The following LIMS2 variants were observed in gnomAD, a reference collection of about 807,000 sequenced individuals.
LIMS2 encodes the protein LIM and senescent cell antigen-like-containing domain protein 2.
In LIMS2, 30 loss-of-function variants were observed where a neutral mutation model predicts 45.3. The ratio of observed to expected loss-of-function variants is 0.66; its 90% CI spans 0.50 to 0.90. The LOEUF (loss-of-function observed/expected upper bound fraction) is 0.90, where lower values mean the gene tolerates loss of function less well. Ranked by LOEUF, LIMS2 falls within the 40% of genes least tolerant of loss-of-function variation. The pLI is 0.00. For synonymous variants in LIMS2, 173 were observed against 188.0 expected (o/e 0.92, Z 0.65); for missense variants, 485 against 468.7 (o/e 1.03, Z -0.32).
chr2:127,677,550 G>GCCA (rs1685530386), upstream of LIMS2, among the ~76,000 whole-genome samples: 1 of 152,160 alleles, frequency 6.6e-6, no homozygotes, highest in Admixed American at 6.5e-5. The surrounding 1 kb of genome is among the most constrained non-coding windows in gnomAD (Gnocchi z 5.0). Flanking sequence ...CATGAGCTTG[G>GCCA]GGTACGCAAG....
At chr2:127,657,903 G>A (rs1036014073) in intron 1 of LIMS2, among the ~76,000 whole-genome samples, 4 of 152,146 alleles carry the variant, frequency 2.6e-5, no homozygotes, top group African/African-American at 9.7e-5. Context: ...TATTATTATG[G>A]CCTCTTCCAG....
At chr2:127,652,043 C>G (rs903861702) in intron 4 of LIMS2, 2 of 439,862 alleles carry the variant, frequency 4.5e-6, no homozygotes, top group Middle Eastern at 6.2e-4. Flanking sequence ...AACCCCTGAA[C>G]AATGGAGGCC....
chr2:127,639,691 G>A (rs913290984), intron 9 of LIMS2, among the ~76,000 whole-genome samples: 15 of 152,102 alleles, frequency 9.9e-5, no homozygotes, highest in Admixed American at 2.0e-4. Context: ...AAACCTGGAC[G>A]CCATCTCTCC....
At chr2:127,674,869 C>A in intron 1 of LIMS2, 145 bp downstream of exon 1, 1 of 1,210,838 alleles carries the variant, frequency 8.3e-7, no homozygotes, top group Non-Finnish European at 1.0e-6. Flanking sequence ...ACGGGCGCTG[C>A]CGCCCCGGCA....
chr2:127,650,197 G>A (rs1021983317), intron 4 of LIMS2: 22 of 836,688 alleles, frequency 2.6e-5, no homozygotes, highest in African/African-American at 3.4e-5. Flanking sequence ...GTGACACCCC[G>A]GCCACTGCAC....
intron 1 of LIMS2, among the ~76,000 whole-genome samples, chr2:127,658,739 A>G (rs939630362): frequency 3.3e-5 from 5 of 152,224 alleles, no homozygotes. Context: ...TCAAGTGTCA[A>G]CTCCAGTGGA....
rs1416338709 is a variant in LIMS2 at position 127,664,512 on chromosome 2, G to A, written c.12-6950C>T. On this transcript the variant is annotated intron_variant, in intron 1 of 9. Coordinates refer to ENST00000355119, the MANE Select transcript of LIMS2 (RefSeq NM_001161403.3). This position sits in a 1 kb window ranked among gnomAD's most constrained non-coding sequence, Gnocchi z 5.5. The stretch of plus-strand genomic sequence containing the variant: ...ACCAAGACGGGACGGGCGTGTGGGC[G>A]CCTCCCCCGCGCTGGTCGCGAGCTC... 51 of 1,153,660 alleles carry A rather than the reference G, an allele frequency of 4.4e-5. No individual in the cohort carries two copies. Among genetic ancestry groups the A allele is most frequent in the Non-Finnish European group, 4.9e-5 (46 of 938,330 alleles). The allele number at this position is 1,153,660 out of a possible 1,614,324, so 71.5% of individuals were successfully genotyped here. A position where few individuals can be genotyped will look rare whatever the true frequency, so the allele number is the denominator to read the frequency against.
In LIMS2 at chr2:127,667,161, C is replaced by T. The variant is rs1293549226; in HGVS notation, c.11+7853G>A. On this transcript the variant is annotated intron_variant, in intron 1 of 9. Coordinates refer to ENST00000355119, the MANE Select transcript of LIMS2 (RefSeq NM_001161403.3). The surrounding 1 kb of genome is among the most constrained non-coding windows in gnomAD (Gnocchi z 4.1). ...CATACAAAACACCAGTGTGGTGGCA[C>T]ATGCCTATAATCCCAGCTACTCAGG... 6.6e-6 allele frequency among the ~76,000 whole-genome samples: 1 copy of T among 152,194 alleles called. No individual in the cohort carries two copies. The highest frequency in any genetic ancestry group is 1.5e-5 in the Non-Finnish European group (1 of 68,038).
chr2:127,664,153 G>T lies in LIMS2; in HGVS notation c.12-6591C>A, dbSNP rs924508691. On this transcript the variant is annotated intron_variant, in intron 1 of 9. Transcript: ENST00000355119. The surrounding 1 kb of genome is among the most constrained non-coding windows in gnomAD (Gnocchi z 5.5). ...AACCCTGTTAGATAAAGTCGCACGC[G>T]CCCACCCTGTCGCCAACCCAGGGCC... 7.9e-5 allele frequency among the ~76,000 whole-genome samples: 12 copies of T among 151,532 alleles called. No homozygotes were observed. The highest frequency in any genetic ancestry group is 1.5e-4 in the Non-Finnish European group (10 of 67,882).
chr2:127,668,693 A>AAAAC (rs1685139297), intron 1 of LIMS2, among the ~76,000 whole-genome samples: 2 of 134,452 alleles, frequency 1.5e-5, no homozygotes, highest in African/African-American at 3.1e-5. Context: ...AAAAAAAAAA[A>AAAAC]AAAAAAAAAA....
At chr2:127,649,153 G>A (rs1006019141) in intron 4 of LIMS2, among the ~76,000 whole-genome samples, 26 of 88,632 alleles carry the variant, frequency 2.9e-4, no homozygotes, top group African/African-American at 1.0e-3. Flanking sequence ...CGAAGTGAGA[G>A]AGAGAGGAAG....
In LIMS2 at chr2:127,653,624, G is replaced by T. The variant is rs1684021008; in HGVS notation, c.359+800C>A. Among the ~76,000 whole-genome samples the T allele has an allele frequency of 6.6e-6, 1 of 152,024 alleles. No individual in the cohort carries two copies. The highest frequency in any genetic ancestry group is 2.4e-5 in the African/African-American group (1 of 41,424). On this transcript the variant is annotated intron_variant, in intron 4 of 9. Coordinates refer to ENST00000355119, the MANE Select transcript of LIMS2 (RefSeq NM_001161403.3). The surrounding 1 kb of genome is among the most constrained non-coding windows in gnomAD (Gnocchi z 5.3). Reference sequence around the variant, plus strand: ...GGAGTGAGCAGGTGCAGCTGTGGGGGCGGGCAGAACCACAGGAACTCAGGG... The same window carrying T: ...GGAGTGAGCAGGTGCAGCTGTGGGGTCGGGCAGAACCACAGGAACTCAGGG...
chr2:127,648,104 C>A lies in LIMS2; in HGVS notation c.360-5032G>T, dbSNP rs143371703. The A allele has an allele frequency of 1.5e-5, 15 of 985,600 alleles. No individual in the cohort carries two copies. The East Asian group carries it at 1.5e-3, about 97-fold the overall frequency. The allele number at this position is 985,600 out of a possible 1,614,324, so 61.1% of individuals were successfully genotyped here. ...TTAGCAGTCCTAGGGAAAGTGCCAG[C>A]CGAGACCAGCCAGACCAAGTCAGAG... is the stretch of plus-strand genomic sequence containing the variant. On this transcript the variant is annotated intron_variant, in intron 4 of 9. Transcript: ENST00000355119.
chr2:127,678,583 A>C (rs1447233000), upstream of LIMS2, among the ~76,000 whole-genome samples: 1 of 152,224 alleles, frequency 6.6e-6, no homozygotes, highest in Non-Finnish European at 1.5e-5. The surrounding 1 kb of genome is among the most constrained non-coding windows in gnomAD (Gnocchi z 5.3). Flanking sequence ...CATCAAACAC[A>C]GGATCTATTT....
chr2:127,665,515 TGTA>T (rs1684953489), intron 1 of LIMS2, among the ~76,000 whole-genome samples: 1 of 152,206 alleles, frequency 6.6e-6, no homozygotes. Context: ...AATTTGTAAA[TGTA>T]GTCCAATTCC....
upstream of LIMS2, among the ~76,000 whole-genome samples, chr2:127,679,194 C>A (rs909665896): frequency 1.3e-5 from 2 of 152,094 alleles, no homozygotes. This position sits in a 1 kb window ranked among gnomAD's most constrained non-coding sequence, Gnocchi z 5.3. Context: ...GCAGGCAGGG[C>A]CCCTGCAATG....
rs138668344 is a variant in LIMS2, at chr2:127,657,506, G to A, written c.68C>T (p.Ser23Phe). 5.6e-5 allele frequency: 90 copies of A among 1,613,034 alleles called. No homozygotes were observed. The highest frequency in any genetic ancestry group is 7.3e-5 in the Non-Finnish European group (86 of 1,179,774). ...GCTGTTGACAATGCGCTCGGCGGGGGAGAAGCGGGCCTGGCAGCGCTGGCA... is the reference window on the plus strand; with the variant it reads ...GCTGTTGACAATGCGCTCGGCGGGGAAGAAGCGGGCCTGGCAGCGCTGGCA... ...AVCQRCQARF[S>F]PAERIVNSNG... Residue 23 changes from serine to phenylalanine, a missense_variant, in exon 2 of 10, where the codon TCC becomes TTC. Transcript: ENST00000355119.
rs1289839364 is a variant in LIMS2, at chr2:127,671,753, A to T, written c.11+3261T>A. ...ACCAGAAGTAGAAGAAAAAGGAAGG[A>T]GGTGAGGGGCCATGGCAGTGCCACC... On this transcript the variant is annotated intron_variant, in intron 1 of 9. Transcript: ENST00000355119. The surrounding 1 kb of genome is among the most constrained non-coding windows in gnomAD (Gnocchi z 4.1). Among the ~76,000 whole-genome samples, 1 of 152,206 alleles carries T rather than the reference A, an allele frequency of 6.6e-6. No individual in the cohort carries two copies. The highest frequency in any genetic ancestry group is 2.4e-5 in the African/African-American group (1 of 41,450).
Position 127,675,463 on chromosome 2 carries a change from G to A in LIMS2, c.-439C>T, listed in dbSNP as rs1179046376. 6.6e-6 allele frequency among the ~76,000 whole-genome samples: 1 copy of A among 152,044 alleles called. No individual in the cohort carries two copies. Among genetic ancestry groups the A allele is most frequent in the Non-Finnish European group, 1.5e-5 (1 of 67,940 alleles). On this transcript the variant is annotated 5_prime_UTR_variant, in exon 1 of 10. Coordinates refer to ENST00000355119, the MANE Select transcript of LIMS2 (RefSeq NM_001161403.3). Reference sequence around the variant, plus strand: ...GCTCCCGCACAGCCCCAGCTCCAGGGACACGGAGCGCGGCCAGCGGCGGGC... The same window carrying A: ...GCTCCCGCACAGCCCCAGCTCCAGGAACACGGAGCGCGGCCAGCGGCGGGC...
Sources: allele counts gnomAD v4.1 joint callset (sites outside exome capture counted in the v4.1 genomes callset), GRCh38; gene constraint gnomAD v4.1.1; non-coding constraint Gnocchi (gnomAD v3.1); transcripts MANE v1.5; gene names NCBI Gene and HGNC (gene_info 2026-07-23, HGNC 2026-07-21).